The following TMEM178B variants were observed in gnomAD, a reference collection of about 807,000 sequenced individuals.
TMEM178B encodes transmembrane protein 178B.
TMEM178B carries 5 observed loss-of-function variants against 31.0 expected under a neutral mutation model. The observed-to-expected ratio is 0.16, with a 90% confidence interval of 0.08 to 0.34. The LOEUF is 0.34. Ranked by LOEUF, TMEM178B falls within the 10% of genes least tolerant of loss-of-function variation. The pLI, the probability that TMEM178B is intolerant of heterozygous loss-of-function variation, is 1.00. For synonymous variants in TMEM178B, 164 were observed against 164.0 expected (o/e 1.00, Z 0.00); for missense variants, 275 against 400.3 (o/e 0.69, Z 2.67).
chr7:141,393,098 C>T (rs1800575636), intron 2 of TMEM178B, among the ~76,000 whole-genome samples: 1 of 152,092 alleles, frequency 6.6e-6, no homozygotes, highest in Non-Finnish European at 1.5e-5. Flanking sequence ...TGTATGATAA[C>T]TCATTTTCTT....
chr7:141,240,899 C>T (rs1368967944), intron 2 of TMEM178B, among the ~76,000 whole-genome samples: 1 of 151,994 alleles, frequency 6.6e-6, no homozygotes, highest in African/African-American at 2.4e-5. Flanking sequence ...GGGAAGGTTG[C>T]ACTTCTGGAC....
chr7:141,503,216 G>C, the TMEM178B span, among the ~76,000 whole-genome samples: 317 of 152,312 alleles, frequency 2.1e-3, 1 homozygote, highest in African/African-American at 7.0e-3. Flanking sequence ...AAGATTCAAG[G>C]GTTCATCTGT....
At chr7:141,199,874 A>T (rs1315700411) in intron 1 of TMEM178B, among the ~76,000 whole-genome samples, 1 of 151,980 alleles carries the variant, frequency 6.6e-6, no homozygotes, top group Non-Finnish European at 1.5e-5. Context: ...ACACGGTGAA[A>T]CCCCATCTCT....
chr7:141,338,309 A>G (rs1475032604), intron 2 of TMEM178B, among the ~76,000 whole-genome samples: 1 of 152,214 alleles, frequency 6.6e-6, no homozygotes, highest in East Asian at 1.9e-4. Flanking sequence ...GAAATGCTGT[A>G]GATTAGTCAA....
At chr7:141,187,447 G>T (rs1218891079) in intron 1 of TMEM178B, among the ~76,000 whole-genome samples, 1 of 152,076 alleles carries the variant, frequency 6.6e-6, no homozygotes, top group Non-Finnish European at 1.5e-5. Flanking sequence ...AATCCTTTGG[G>T]TATATACCCA....
rs1040721603 is a variant in TMEM178B at position 141,475,190 on chromosome 7, C to T, written c.*4404C>T. The T allele has an allele frequency of 6.6e-6, 1 of 152,146 alleles. No individual in the cohort carries two copies. Among genetic ancestry groups the T allele is most frequent in the African/African-American group, 2.4e-5 (1 of 41,418 alleles). 9.4% of individuals were successfully genotyped at this position (152,146 alleles called of 1,614,324 possible). A position where few individuals can be genotyped will look rare whatever the true frequency, so the allele number is the denominator to read the frequency against. On this transcript the variant is annotated 3_prime_UTR_variant, in exon 4 of 4. Transcript: ENST00000565468. ...GGTGCACACCAGCAGGGTTGCCTTC[C>T]ATGCCATCTTCCAGCTGGTGTGGGA... is the stretch of plus-strand genomic sequence containing the variant.
intron 2 of TMEM178B, among the ~76,000 whole-genome samples, chr7:141,354,544 T>C (rs1302045659): frequency 6.6e-6 from 1 of 152,230 alleles, no homozygotes; most frequent in Non-Finnish European, 1.5e-5. Context: ...CACATGTGTG[T>C]GTGCTCAGGC....
the TMEM178B span, among the ~76,000 whole-genome samples, chr7:141,500,267 G>A: frequency 1.3e-5 from 2 of 152,110 alleles, no homozygotes; most frequent in Admixed American, 6.5e-5. Context: ...TCTAGGAGAG[G>A]AATCAGACAG....
At chr7:141,302,810 TCTGTCCTG>T (rs892800479) in intron 2 of TMEM178B, among the ~76,000 whole-genome samples, 14 of 152,202 alleles carry the variant, frequency 9.2e-5, no homozygotes, top group Admixed American at 7.9e-4. Flanking sequence ...AAAAGATTTC[TCTGTCCTG>T]ACAGATGCCC....
intron 1 of TMEM178B, among the ~76,000 whole-genome samples, chr7:141,186,257 C>T (rs148676337): frequency 4.6e-5 from 7 of 152,276 alleles, no homozygotes; most frequent in Middle Eastern, 3.4e-3. Context: ...GCCAATAGCC[C>T]TGGTCCAGAG....
intron 2 of TMEM178B, among the ~76,000 whole-genome samples, chr7:141,408,259 G>C (rs573346044): frequency 1.3e-5 from 2 of 152,202 alleles, no homozygotes; most frequent in Non-Finnish European, 2.9e-5. Flanking sequence ...ATCTCCCTGA[G>C]GAGGATGGGG....
intron 3 of TMEM178B, among the ~76,000 whole-genome samples, chr7:141,441,208 G>A (rs191112453): frequency 6.6e-5 from 10 of 152,338 alleles, no homozygotes; most frequent in Non-Finnish European, 1.5e-4. Flanking sequence ...AGCAAACTGA[G>A]AGCCTGGGGC....
At chr7:141,355,994 C>T (rs1047428890) in intron 2 of TMEM178B, among the ~76,000 whole-genome samples, 1 of 152,214 alleles carries the variant, frequency 6.6e-6, no homozygotes, top group Non-Finnish European at 1.5e-5. Context: ...TGTTAATTCT[C>T]TTAGGATATT....
At chr7:141,106,243 T>C (rs1328321115) in intron 1 of TMEM178B, among the ~76,000 whole-genome samples, 1 of 151,956 alleles carries the variant, frequency 6.6e-6, no homozygotes, top group Non-Finnish European at 1.5e-5. Flanking sequence ...AAAACTGGGG[T>C]TCCCCTGCTT....
intron 2 of TMEM178B, among the ~76,000 whole-genome samples, chr7:141,358,053 G>A (rs1427141520): frequency 6.6e-6 from 1 of 152,108 alleles, no homozygotes; most frequent in African/African-American, 2.4e-5. Flanking sequence ...GAACAGAATT[G>A]AGCATAGCAT....
At chr7:141,384,181 T>C (rs1226982765) in intron 2 of TMEM178B, among the ~76,000 whole-genome samples, 1 of 152,240 alleles carries the variant, frequency 6.6e-6, no homozygotes, top group South Asian at 2.1e-4. Flanking sequence ...CTGTTCACTC[T>C]GATGGTAGTT....
At chr7:141,125,400 G>A (rs2129176954) in intron 1 of TMEM178B, among the ~76,000 whole-genome samples, 1 of 152,108 alleles carries the variant, frequency 6.6e-6, no homozygotes, top group African/African-American at 2.4e-5. Context: ...GTGAAGCCCG[G>A]CGCCGGATGT....
chr7:141,221,908 C>G (rs1201983727), intron 2 of TMEM178B, among the ~76,000 whole-genome samples: 2 of 152,200 alleles, frequency 1.3e-5, no homozygotes, highest in Non-Finnish European at 1.5e-5. Context: ...GTTTGAAATG[C>G]AAATTCTTAG....
At chr7:141,079,315 G>A (rs149436902) in intron 1 of TMEM178B, among the ~76,000 whole-genome samples, 20 of 152,146 alleles carry the variant, frequency 1.3e-4, no homozygotes, top group African/African-American at 4.6e-4. Context: ...AATTATTTCC[G>A]TAGTTGTATT....
Sources: allele counts gnomAD v4.1 joint callset (sites outside exome capture counted in the v4.1 genomes callset), GRCh38; gene constraint gnomAD v4.1.1; transcripts MANE v1.5; gene names NCBI Gene and HGNC (gene_info 2026-07-23, HGNC 2026-07-21).